The following RSRC1 variants were observed in gnomAD, a reference collection of about 807,000 sequenced individuals.
RSRC1 encodes serine/Arginine-related protein 53.
RSRC1 carries 39 observed loss-of-function variants against 49.1 expected under a neutral mutation model. That is an observed-to-expected ratio of 0.79 (90% CI 0.61 to 1.04). The LOEUF is 1.04. RSRC1 is among the 50% of genes least tolerant of loss of function. The pLI is 0.00. For synonymous variants in RSRC1, 143 were observed against 130.8 expected (o/e 1.09, Z -0.63); for missense variants, 388 against 402.4 (o/e 0.96, Z 0.31).
At chr3:158,327,410 C>G (rs1258134220) in intron 5 of RSRC1, among the ~76,000 whole-genome samples, 1 of 152,254 alleles carries the variant, frequency 6.6e-6, no homozygotes, top group East Asian at 1.9e-4. Context: ...TGAATGCATC[C>G]CAGAGATTCT....
At chr3:158,179,030 A>G (rs1719431022) in intron 3 of RSRC1, among the ~76,000 whole-genome samples, 2 of 152,126 alleles carry the variant, frequency 1.3e-5, no homozygotes, top group South Asian at 4.1e-4. Context: ...GGTTTGGGTC[A>G]ATGTTATCAA....
At chr3:158,387,781 T>G (rs1029832871) in intron 6 of RSRC1, among the ~76,000 whole-genome samples, 2 of 152,184 alleles carry the variant, frequency 1.3e-5, no homozygotes, top group African/African-American at 4.8e-5. Flanking sequence ...TGTATCATTA[T>G]TTTTAAAACG....
Position 158,487,993 on chromosome 3 carries a change from G to A in RSRC1, c.652+26990G>A, listed in dbSNP as rs147211841. ...AAAAAAACTGGCTGAATGGGTTTCA[G>A]TAACTTGGAAGAAAACCCAAGAGAC... On this transcript the variant is annotated intron_variant, in intron 7 of 9. Coordinates refer to ENST00000611884, the MANE Select transcript of RSRC1 (RefSeq NM_001271838.2). Among the ~76,000 whole-genome samples the A allele has an allele frequency of 5.2e-3, 643 of 122,920 alleles. 2 individuals are homozygous for A. The highest frequency in any genetic ancestry group is 0.019 in the Middle Eastern group (4 of 216). 80.6% of individuals were successfully genotyped at this position (122,920 alleles called of 152,430 possible).
chr3:158,341,010 G>A (rs1178849235), intron 5 of RSRC1, among the ~76,000 whole-genome samples: 2 of 152,168 alleles, frequency 1.3e-5, no homozygotes, highest in Non-Finnish European at 2.9e-5. Context: ...CCACCCTAGA[G>A]ATTTGTGGAT....
intron 7 of RSRC1, 95 bp downstream of exon 7, chr3:158,461,098 T>C: frequency 2.7e-6 from 2 of 739,542 alleles, no homozygotes; most frequent in Non-Finnish European, 4.3e-6. Context: ...TAAGGGTTAC[T>C]TCATGCTGTT....
At chr3:158,528,315 G>A (rs1486567036) in intron 7 of RSRC1, among the ~76,000 whole-genome samples, 1 of 151,918 alleles carries the variant, frequency 6.6e-6, no homozygotes, top group African/African-American at 2.4e-5. Context: ...ATGAAAGTTT[G>A]TATTCATCTT....
chr3:158,406,038 A>C, intron 6 of RSRC1, among the ~76,000 whole-genome samples: 1 of 151,996 alleles, frequency 6.6e-6, no homozygotes, highest in East Asian at 1.9e-4. Flanking sequence ...TTTTGAAGAG[A>C]GATTTGAGGT....
rs534563375 is a variant in RSRC1, at chr3:158,144,758, A to G, written c.320+20767A>G. ...TAGTTTACAGTCCCCCCAACAGTGT[A>G]AAAGTGTTCCTATTTCTCCACATCC... is the stretch of plus-strand genomic sequence containing the variant. On this transcript the variant is annotated intron_variant, in intron 3 of 9. Coordinates refer to ENST00000611884, the MANE Select transcript of RSRC1 (RefSeq NM_001271838.2). Among the ~76,000 whole-genome samples the G allele has an allele frequency of 5.9e-5, 9 of 152,294 alleles. No homozygotes were observed. The South Asian group carries it at 6.2e-4, about 11-fold the overall frequency.
intron 7 of RSRC1, among the ~76,000 whole-genome samples, chr3:158,535,174 A>G (rs954546582): frequency 7.9e-5 from 12 of 151,562 alleles, no homozygotes; most frequent in Non-Finnish European, 1.3e-4. Context: ...AGAGCGTAGT[A>G]TTTTAGCATT....
At chr3:158,396,037 A>G (rs1733592384) in intron 6 of RSRC1, among the ~76,000 whole-genome samples, 1 of 152,130 alleles carries the variant, frequency 6.6e-6, no homozygotes, top group Non-Finnish European at 1.5e-5. Context: ...CTTTAGAGCA[A>G]CACAGTTGGA....
At chr3:158,499,828 CCT>C (rs1739512433) in intron 7 of RSRC1, among the ~76,000 whole-genome samples, 1 of 152,048 alleles carries the variant, frequency 6.6e-6, no homozygotes, top group Admixed American at 6.6e-5. Flanking sequence ...AGTTTGACTC[CCT>C]CTTTACCTAT....
intron 4 of RSRC1, among the ~76,000 whole-genome samples, chr3:158,256,848 T>A (rs1235250281): frequency 6.6e-6 from 1 of 152,188 alleles, no homozygotes; most frequent in Non-Finnish European, 1.5e-5. Flanking sequence ...ATTTTATAGT[T>A]TATTTGTGTA....
chr3:158,265,687 T>A (rs946775261), intron 4 of RSRC1, among the ~76,000 whole-genome samples: 1 of 152,206 alleles, frequency 6.6e-6, no homozygotes, highest in Non-Finnish European at 1.5e-5. Flanking sequence ...ACAAAAGCTA[T>A]GACTTTTTTT....
intron 5 of RSRC1, among the ~76,000 whole-genome samples, chr3:158,338,210 C>CTTT (rs11332968): frequency 3.4e-5 from 5 of 146,810 alleles, no homozygotes; most frequent in African/African-American, 5.0e-5. Flanking sequence ...TATAACTTTG[C>CTTT]TTTTTTTTTT....
chr3:158,326,907 G>C (rs539050789), intron 5 of RSRC1, among the ~76,000 whole-genome samples: 1 of 152,184 alleles, frequency 6.6e-6, no homozygotes, highest in Admixed American at 6.5e-5. Flanking sequence ...CAATTTCAGA[G>C]CCTGTTATTG....
intron 6 of RSRC1, among the ~76,000 whole-genome samples, chr3:158,377,607 G>T (rs1467319119): frequency 6.6e-6 from 1 of 151,858 alleles, no homozygotes; most frequent in Non-Finnish European, 1.5e-5. Context: ...CAGCCTGTAG[G>T]ACCAGGAGCC....
chr3:158,394,523 C>T (rs936166500), intron 6 of RSRC1, among the ~76,000 whole-genome samples: 1 of 151,958 alleles, frequency 6.6e-6, no homozygotes, highest in Non-Finnish European at 1.5e-5. Context: ...GTACAAAAAT[C>T]AGCATTTCTA....
intron 6 of RSRC1, among the ~76,000 whole-genome samples, chr3:158,430,076 AAAAATAAAATAAAAT>A (rs59953349): frequency 6.7e-6 from 1 of 149,558 alleles, no homozygotes; most frequent in Non-Finnish European, 1.5e-5. Context: ...CACACACAAA[AAAAATAAAATAAAAT>A]AAAATAAAAT....
At chr3:158,129,648 C>T (rs1331679115) in intron 3 of RSRC1, among the ~76,000 whole-genome samples, 3 of 152,164 alleles carry the variant, frequency 2.0e-5, no homozygotes, top group Non-Finnish European at 4.4e-5. Flanking sequence ...AACCAGCTAA[C>T]TATACGAATG....
Sources: allele counts gnomAD v4.1 joint callset (sites outside exome capture counted in the v4.1 genomes callset), GRCh38; gene constraint gnomAD v4.1.1; transcripts MANE v1.5; gene names NCBI Gene and HGNC (gene_info 2026-07-23, HGNC 2026-07-21).